GAK: variants seen among roughly 807,000 people sequenced by gnomAD.
The protein encoded by GAK is cyclin G associated kinase, also known as cyclin-G-associated kinase.
In GAK, 79 loss-of-function variants were observed where a neutral mutation model predicts 143.9. The ratio of observed to expected loss-of-function variants is 0.55; its 90% CI spans 0.46 to 0.66. The LOEUF (loss-of-function observed/expected upper bound fraction) is 0.66, where lower values mean the gene tolerates loss of function less well. Ranked by LOEUF, GAK falls within the 30% of genes least tolerant of loss-of-function variation. GAK has a pLI of 0.00. For synonymous variants in GAK, 881 were observed against 765.5 expected (o/e 1.15, Z -2.49); for missense variants, 1,693 against 1,779.7 (o/e 0.95, Z 0.88).
intron 1 of GAK, among the ~76,000 whole-genome samples, chr4:923,257 T>C (rs1724176030): frequency 6.6e-6 from 1 of 152,098 alleles, no homozygotes; most frequent in Admixed American, 6.6e-5. Flanking sequence ...TACAATGAAC[T>C]CAAAATAATA....
At chr4:866,689 G>C (rs571587356) in intron 21 of GAK, among the ~76,000 whole-genome samples, 155 bp from the exon 22 acceptor site, 1 of 152,274 alleles carries the variant, frequency 6.6e-6, no homozygotes, top group South Asian at 2.1e-4. Context: ...GTCAGCCCAG[G>C]GGCTCCCCGT....
At chr4:866,893 A>G (rs1751288012) in intron 21 of GAK, 63 bp downstream of exon 21, 1 of 1,234,264 alleles carries the variant, frequency 8.1e-7, no homozygotes, top group Non-Finnish European at 1.1e-6. Flanking sequence ...ATGCAGTGAG[A>G]ATGACTCAGC....
At position 882,039 on chromosome 4, in the gene GAK, T is replaced by C; in HGVS notation, c.1529A>G (p.Asp510Gly). The change falls in exon 15 of 28, where the codon GAC (aspartate) becomes GGC (glycine). Residue 510 changes from aspartate to glycine, a missense_variant and splice_region_variant. By Grantham distance (94) the Asp-to-Gly change is moderately conservative (BLOSUM62 -1). Transcript: ENST00000314167. ...GGCCACAGCAGACGCGGCTCTCCCG[T>C]CCTAGGACAGACAGACACGTCTCGC... Reference protein sequence around the residue: ...HKNVCVVHCMDGRAASAVAVC... With the variant: ...HKNVCVVHCMGGRAASAVAVC... 1 of 1,602,782 alleles carries C rather than the reference T, an allele frequency of 6.2e-7. No individual in the cohort carries two copies. Among genetic ancestry groups the C allele is most frequent in the South Asian group, 1.1e-5 (1 of 89,444 alleles).
At chr4:894,206 T>G (rs1577205718) in intron 7 of GAK, 197 bp from the exon 8 acceptor site, 1 of 453,882 alleles carries the variant, frequency 2.2e-6, no homozygotes, top group Non-Finnish European at 3.4e-6. Flanking sequence ...AATGCAGGGG[T>G]GACACCGGGG....
intron 18 of GAK, among the ~76,000 whole-genome samples, chr4:873,280 G>C (rs764803853): frequency 6.6e-5 from 10 of 152,162 alleles, no homozygotes; most frequent in Non-Finnish European, 1.3e-4. Flanking sequence ...TTTCAACAGT[G>C]ATTTCCTTTT....
At chr4:903,060 G>C (rs1375795507) in intron 5 of GAK, among the ~76,000 whole-genome samples, 1 of 152,242 alleles carries the variant, frequency 6.6e-6, no homozygotes, top group East Asian at 1.9e-4. Flanking sequence ...CTGTGGGGCT[G>C]TGGGAAGCAG....
At chr4:920,350 T>A (rs1349130234) in intron 1 of GAK, among the ~76,000 whole-genome samples, 3 of 149,656 alleles carry the variant, frequency 2.0e-5, no homozygotes, top group Non-Finnish European at 4.4e-5. Context: ...AAACACAGCA[T>A]CACTGATGTG....
rs553959341 is a variant in GAK at position 874,029 on chromosome 4, G to A, written c.2054+2501C>T. Among the ~76,000 whole-genome samples the A allele has an allele frequency of 3.3e-5, 5 of 152,226 alleles. No homozygotes were observed. In the South Asian group the frequency reaches 1.0e-3, roughly 32 times the overall value. ...TTTTGTTCCATTTTTCTTCTTGATT[G>A]CATCTTTAATCTGCCCTAGGGATTG... is the stretch of plus-strand genomic sequence containing the variant. On this transcript the variant is annotated intron_variant, in intron 18 of 27. Coordinates refer to ENST00000314167, the MANE Select transcript of GAK (RefSeq NM_005255.4).
intron 9 of GAK, among the ~76,000 whole-genome samples, chr4:890,824 C>T (rs1420199050): frequency 2.0e-5 from 3 of 152,228 alleles, no homozygotes; most frequent in African/African-American, 7.2e-5. Flanking sequence ...CCCCTCACCC[C>T]GCGGCCTGCC....
In GAK at chr4:893,885, T is replaced by C; in HGVS notation, c.866A>G (p.His289Arg). The stretch of plus-strand genomic sequence containing the variant: ...CCACCGGGACTTACGGATGAGGCTG[T>C]GGAAGACCGTGTACTGCGTGTCGTG... ...PPHDTQYTVF[H>R]SLIRAMLQVN... Residue 289 changes from histidine (H) to arginine (R), a missense_variant, in exon 8 of 28, where the codon CAC becomes CGC. By Grantham distance (29) the His-to-Arg change is conservative. Around this residue, in one of 2 missense-constraint regions of GAK, gnomAD observed 871 missense variants for 991.0 expected, o/e 0.88. Coordinates refer to ENST00000314167, the MANE Select transcript of GAK (RefSeq NM_005255.4). 2 of 1,599,730 alleles carry C rather than the reference T, an allele frequency of 1.3e-6. No homozygotes were observed. Among genetic ancestry groups the C allele is most frequent in the Non-Finnish European group, 1.7e-6 (2 of 1,172,226 alleles).
chr4:865,339 G>A (rs1255709945), intron 22 of GAK, 95 bp from the exon 23 acceptor site: 1 of 1,505,604 alleles, frequency 6.6e-7, no homozygotes, highest in Non-Finnish European at 9.1e-7. Context: ...CCTAGGAGCG[G>A]ACACCTCTTG....
chr4:921,790 A>G (rs1723965377), intron 1 of GAK, among the ~76,000 whole-genome samples: 1 of 152,062 alleles, frequency 6.6e-6, no homozygotes, highest in African/African-American at 2.4e-5. Flanking sequence ...TGAAAACCCC[A>G]TGTCTACGAA....
chr4:909,545 A>C (rs997848634), intron 4 of GAK, among the ~76,000 whole-genome samples: 2 of 152,154 alleles, frequency 1.3e-5, no homozygotes, highest in African/African-American at 4.8e-5. Flanking sequence ...GATGGGAGAG[A>C]CAGGGACGGG....
intron 1 of GAK, among the ~76,000 whole-genome samples, chr4:914,426 G>A (rs1722663031): frequency 1.3e-5 from 1 of 75,178 alleles, no homozygotes; most frequent in Non-Finnish European, 2.4e-5. Flanking sequence ...CACACACACA[G>A]CCCCAGCGTG....
At chr4:885,384 T>A (rs972084172) in intron 11 of GAK, among the ~76,000 whole-genome samples, 1 of 152,230 alleles carries the variant, frequency 6.6e-6, no homozygotes, top group African/African-American at 2.4e-5. Context: ...GAGACCAGCC[T>A]GACCAACATG....
At position 876,432 on chromosome 4, in the gene GAK, C is replaced by T. The variant is rs575780952; in HGVS notation, c.2054+98G>A. The T allele has an allele frequency of 7.0e-5, 73 of 1,035,872 alleles. 1 individual carries two copies. Among genetic ancestry groups the T allele is most frequent in the Admixed American group, 3.5e-4 (19 of 54,718 alleles). 64.2% of individuals were successfully genotyped at this position (1,035,872 alleles called of 1,614,324 possible). A position where few individuals can be genotyped will look rare whatever the true frequency, so the allele number is the denominator to read the frequency against. On this transcript the variant is annotated intron_variant, in intron 18 of 27. Transcript: ENST00000314167. Reference sequence around the variant, plus strand: ...GCCACCAAGCAGCAGTCACACAGCCCGCCACTCCCCCTGGGGCTCCCACGA... The same window carrying T: ...GCCACCAAGCAGCAGTCACACAGCCTGCCACTCCCCCTGGGGCTCCCACGA...
intron 18 of GAK, among the ~76,000 whole-genome samples, chr4:874,987 G>A (rs1252461825): frequency 1.3e-5 from 2 of 152,028 alleles, no homozygotes; most frequent in Non-Finnish European, 2.9e-5. Flanking sequence ...CCTTCATTTC[G>A]GCTGTAATAT....
chr4:888,978 G>A lies in GAK; in HGVS notation c.1082-8C>T. 2 of 1,609,288 alleles carry A rather than the reference G, an allele frequency of 1.2e-6. No homozygotes were observed. Among genetic ancestry groups the A allele is most frequent in the Non-Finnish European group, 1.7e-6 (2 of 1,179,104 alleles). ...ACTCCGCCAGCGCCAGGCCTGCAGG[G>A]AGACACAGTCTCAGCAGGCCCCAGG... On this transcript the variant is annotated splice_polypyrimidine_tract_variant and splice_region_variant and intron_variant, in intron 10 of 27. Transcript: ENST00000314167.
intron 1 of GAK, among the ~76,000 whole-genome samples, chr4:917,258 A>G (rs1723216390): frequency 6.6e-6 from 1 of 152,210 alleles, no homozygotes; most frequent in Non-Finnish European, 1.5e-5. Flanking sequence ...GTACATACAC[A>G]CACATACAGT....
Sources: gnomAD v4.1 joint callset for allele counts (sites outside exome capture counted in the v4.1 genomes callset) on GRCh38, gnomAD v4.1.1 for gene constraint, gnomAD v4.1.1 regional missense constraint, MANE v1.5 for transcripts, NCBI Gene and HGNC (gene_info 2026-07-23, HGNC 2026-07-21) for gene names.